The following AGL variants were observed in gnomAD, a reference collection of about 807,000 sequenced individuals.
AGL encodes amylo-alpha-1,6-glucosidase and 4-alpha-glucanotransferase, also known as glycogen debranching enzyme.
In AGL, 128 loss-of-function variants were observed where a neutral mutation model predicts 199.3. That is an observed-to-expected ratio of 0.64 (90% CI 0.56 to 0.74). AGL has a LOEUF of 0.74. Ranked by LOEUF, AGL falls within the 30% of genes least tolerant of loss-of-function variation. AGL has a pLI of 0.00. For missense variants in AGL, 1,809 were observed against 1,820.8 expected (o/e 0.99, Z 0.12); for synonymous variants, 584 against 594.7 (o/e 0.98, Z 0.26).
intron 24 of AGL, 78 bp from the exon 25 acceptor site, chr1:99,896,208 G>C: frequency 1.6e-6 from 2 of 1,257,810 alleles, no homozygotes; most frequent in South Asian, 2.4e-5. Context: ...TAGAGTAACT[G>C]TTCTATAGTA....
intron 5 of AGL, among the ~76,000 whole-genome samples, chr1:99,866,854 T>C (rs996643800): frequency 5.9e-5 from 9 of 151,974 alleles, no homozygotes; most frequent in African/African-American, 2.2e-4. Context: ...GTTTCACTCT[T>C]GTTGCCCAGG....
intron 27 of AGL, among the ~76,000 whole-genome samples, chr1:99,906,200 C>G (rs1385321258): frequency 6.6e-6 from 1 of 152,068 alleles, no homozygotes; most frequent in Non-Finnish European, 1.5e-5. Context: ...TTCAATTATC[C>G]TAGGGACCTC....
chr1:99,903,666 G>A (rs917724177), intron 27 of AGL, among the ~76,000 whole-genome samples: 5 of 152,146 alleles, frequency 3.3e-5, no homozygotes, highest in African/African-American at 1.2e-4. Context: ...TGGGATTGCT[G>A]GGTCAAATGG....
chr1:99,915,682 T>TATC (rs1202715476), intron 31 of AGL, among the ~76,000 whole-genome samples, 196 bp downstream of exon 31: 2 of 150,964 alleles, frequency 1.3e-5, no homozygotes, highest in African/African-American at 4.9e-5. Context: ...AAGGCAGGAG[T>TATC]ATCACTTGAG....
In AGL at chr1:99,910,900, T is replaced by A. The variant is rs1541041; in HGVS notation, c.3836+53T>A. ...ATTATACCCTTCTTTAAGAAAGCACTTACTTGTGGAATCTTTTATTCTGTT... is the reference window on the plus strand; with the variant it reads ...ATTATACCCTTCTTTAAGAAAGCACATACTTGTGGAATCTTTTATTCTGTT... On this transcript the variant is annotated intron_variant, in intron 28 of 33. Transcript: ENST00000361915. The A allele has an allele frequency of 0.5, 774,904 of 1,557,858 alleles. 195,842 individuals are homozygous for A. Among genetic ancestry groups the A allele is most frequent in the East Asian group, 0.61 (26,132 of 43,010 alleles).
intron 25 of AGL, among the ~76,000 whole-genome samples, chr1:99,899,342 T>C (rs1653605011): frequency 6.6e-6 from 1 of 152,202 alleles, no homozygotes; most frequent in South Asian, 2.1e-4. Context: ...TCAGCCTTCT[T>C]ATTTCTTAAT....
intron 14 of AGL, 139 bp downstream of exon 14, chr1:99,880,934 A>G (rs1651964135): frequency 7.8e-7 from 1 of 1,278,038 alleles, no homozygotes; most frequent in African/African-American, 1.5e-5. Context: ...CATAGTTTTC[A>G]GAATGTTTTA....
intron 26 of AGL, among the ~76,000 whole-genome samples, chr1:99,901,107 T>A (rs112473412): frequency 3.0e-4 from 45 of 151,510 alleles, no homozygotes; most frequent in African/African-American, 1.0e-3. Context: ...GTAGAGGAAG[T>A]GTTGTGTAGT....
At chr1:99,891,542 C>T (rs538064645) in intron 22 of AGL, 64 bp from the exon 23 acceptor site, 3 of 1,578,316 alleles carry the variant, frequency 1.9e-6, no homozygotes, top group East Asian at 2.2e-5. Context: ...TTTAGATTTA[C>T]CTCTAAAAAC....
intron 31 of AGL, 93 bp downstream of exon 31, chr1:99,915,579 A>G: frequency 1.1e-6 from 1 of 941,264 alleles, no homozygotes; most frequent in Non-Finnish European, 1.7e-6. Context: ...CAGGGCAACA[A>G]AAGGAGATGC....
At chr1:99,854,111 T>C (rs1649207757) in intron 2 of AGL, among the ~76,000 whole-genome samples, 1 of 151,772 alleles carries the variant, frequency 6.6e-6, no homozygotes, top group South Asian at 2.1e-4. Flanking sequence ...GGAGAATCGC[T>C]TGAACCTGGG....
chr1:99,907,595 T>C (rs780709044), intron 27 of AGL, among the ~76,000 whole-genome samples: 14 of 152,140 alleles, frequency 9.2e-5, no homozygotes, highest in Non-Finnish European at 1.6e-4. Flanking sequence ...TCCATTCATC[T>C]ATATCCTCAC....
chr1:99,849,636 T>C (rs1487849064), upstream of AGL, among the ~76,000 whole-genome samples: 1 of 152,200 alleles, frequency 6.6e-6, no homozygotes, highest in African/African-American at 2.4e-5. Context: ...TCCTGTCTGT[T>C]AGCACTAGAA....
chr1:99,899,507 T>C (rs1407323357), intron 25 of AGL, among the ~76,000 whole-genome samples: 3 of 108,376 alleles, frequency 2.8e-5, no homozygotes, highest in East Asian at 5.7e-4. Flanking sequence ...CAGTTTGTTT[T>C]CTTTCTCTCT....
At chr1:99,880,181 A>G (rs1240699237) in intron 13 of AGL, 135 bp downstream of exon 13, 43 of 1,314,062 alleles carry the variant, frequency 3.3e-5, no homozygotes, top group Non-Finnish European at 3.6e-5. Flanking sequence ...TTTGTATGAC[A>G]TATTCTAATA....
intron 27 of AGL, among the ~76,000 whole-genome samples, chr1:99,907,680 G>GT (rs1553191673): frequency 2.1e-5 from 1 of 46,986 alleles, no homozygotes; most frequent in African/African-American, 6.4e-5. Context: ...TTGTTCGTTT[G>GT]TTTTTGTTTT....
At chr1:99,873,433 CTTT>C (rs553707025) in intron 7 of AGL, among the ~76,000 whole-genome samples, 2 of 131,136 alleles carry the variant, frequency 1.5e-5, no homozygotes, top group Non-Finnish European at 3.3e-5. Flanking sequence ...TGGCAGTGTT[CTTT>C]TTTTTTTTTT....
intron 33 of AGL, among the ~76,000 whole-genome samples, 183 bp from the exon 34 acceptor site, chr1:99,921,351 G>A (rs964275155): frequency 2.0e-5 from 3 of 152,066 alleles, no homozygotes; most frequent in Non-Finnish European, 4.4e-5. Flanking sequence ...TTCCAAAGAT[G>A]GAATGTCAAA....
Position 99,913,591 on chromosome 1 carries a change from A to G in AGL, c.4014A>G (p.Leu1338=), listed in dbSNP as rs939205432. 2 of 1,614,054 alleles carry G rather than the reference A, an allele frequency of 1.2e-6. No homozygotes were observed. Among genetic ancestry groups the G allele is most frequent in the Non-Finnish European group, 1.7e-6 (2 of 1,179,984 alleles). Reference sequence around the variant, plus strand: ...AAATACAAGACAACTTTGAAAAGCTATTTCATGTTTCCGAAGACCCTTCAG... The same window carrying G: ...AAATACAAGACAACTTTGAAAAGCTGTTTCATGTTTCCGAAGACCCTTCAG... ...NRKIQDNFEK[L]FHVSEDPSDL... is the part of the protein sequence containing the mutation. Residue 1338 remains leucine, a synonymous_variant, in exon 30 of 34, where the codon CTA becomes CTG. Transcript: ENST00000361915.
Sources: allele counts gnomAD v4.1 joint callset (sites outside exome capture counted in the v4.1 genomes callset), GRCh38; gene constraint gnomAD v4.1.1; transcripts MANE v1.5; gene names NCBI Gene and HGNC (gene_info 2026-07-23, HGNC 2026-07-21).